The following PCDHGC4 variants were observed in gnomAD, a reference collection of about 807,000 sequenced individuals.
PCDHGC4 encodes protocadherin gamma subfamily C, 4.
PCDHGC4 carries 15 observed loss-of-function variants against 59.7 expected under a neutral mutation model. The observed-to-expected ratio is 0.25, with a 90% CI of 0.17 to 0.39. The LOEUF (loss-of-function observed/expected upper bound fraction) is 0.39, where lower values mean the gene tolerates loss of function less well. PCDHGC4 is among the 10% of genes least tolerant of loss of function. The pLI is 1.00. For missense variants in PCDHGC4, 1,016 were observed against 1,189.5 expected (o/e 0.85, Z 2.15); for synonymous variants, 434 against 481.4 (o/e 0.90, Z 1.29).
chr5:141,491,493 G>A lies in PCDHGC4; in HGVS notation c.2443-3314G>A, dbSNP rs1008591563. On this transcript the variant is annotated intron_variant, in intron 1 of 3. Transcript: ENST00000306593. This position sits in a 1 kb window ranked among gnomAD's most constrained non-coding sequence, Gnocchi z 6.9. ...AGCAGTCCAGCCCCAACCTGCAGGT[G>A]AGCTCGGACGGCACGCTCAAGTACA... 6.2e-7 allele frequency: 1 copy of A among 1,614,000 alleles called. No homozygotes were observed. Among genetic ancestry groups the A allele is most frequent in the African/African-American group, 1.3e-5 (1 of 74,928 alleles).
Position 141,485,856 on chromosome 5 carries a change from T to C in PCDHGC4, c.683T>C (p.Leu228Pro). ...CCGCCGAGATCTGGCACCGCAGAGC[T>C]CCGGGTATCCGTGCTGGACGTAAAC... is the stretch of plus-strand genomic sequence containing the variant. Reference protein sequence around the residue: ...GNPPRSGTAELRVSVLDVNDN... With the variant: ...GNPPRSGTAEPRVSVLDVNDN... The change falls in exon 1 of 4, where the codon CTC (leucine) becomes CCC (proline). Residue 228 changes from leucine to proline, a missense_variant. Physicochemically the swap from Leu to Pro is moderately conservative, Grantham distance 98. Coordinates refer to ENST00000306593, the MANE Select transcript of PCDHGC4 (RefSeq NM_018928.3). The surrounding 1 kb of genome is among the most constrained non-coding windows in gnomAD (Gnocchi z 5.7). 1 of 1,614,108 alleles carries C rather than the reference T, an allele frequency of 6.2e-7. No individual in the cohort carries two copies. The highest frequency in any genetic ancestry group is 8.5e-7 in the Non-Finnish European group (1 of 1,180,014).
intron 2 of PCDHGC4, among the ~76,000 whole-genome samples, chr5:141,495,645 C>T (rs2099762719): frequency 6.6e-6 from 1 of 152,208 alleles, no homozygotes; most frequent in South Asian, 2.1e-4. Context: ...CATTTGTCTA[C>T]TTGCATTGAT....
At chr5:141,498,073 T>C (rs1474889879) in intron 2 of PCDHGC4, among the ~76,000 whole-genome samples, 1 of 152,214 alleles carries the variant, frequency 6.6e-6, no homozygotes, top group Non-Finnish European at 1.5e-5. Context: ...CTGTCATAAG[T>C]GCTAGGTAGA....
rs1222348421 is a variant in PCDHGC4, at chr5:141,511,044, C to T, written c.2688C>T (p.Asp896=). 1 of 1,614,128 alleles carries T rather than the reference C, an allele frequency of 6.2e-7. No homozygotes were observed. The highest frequency in any genetic ancestry group is 1.3e-5 in the African/African-American group (1 of 74,940). ...GPQFTLQHVP[D]YRQNVYIPGS... is the part of the protein sequence containing the mutation. ...AGTTCACCCTGCAGCACGTGCCCGA[C>T]TACCGCCAGAATGTCTACATCCCAG... The change falls in exon 4 of 4, where the codon GAC becomes GAT. Residue 896 remains aspartate, a synonymous_variant. Coordinates refer to ENST00000306593, the MANE Select transcript of PCDHGC4 (RefSeq NM_018928.3).
chr5:141,505,486 G>A lies in PCDHGC4; in HGVS notation c.2590+5G>A, dbSNP rs1291166546. The A allele has an allele frequency of 1.8e-5, 29 of 1,614,088 alleles. No homozygotes were observed. The highest frequency in any genetic ancestry group is 2.1e-5 in the Non-Finnish European group (25 of 1,180,018). On this transcript the variant is annotated splice_donor_5th_base_variant and intron_variant, in intron 3 of 3. Transcript: ENST00000306593. ...TGATCTTGGCGTCCGCCAGTGGTAA[G>A]TGGTGTCAGTGTGTGTATGGAAGAG...
At position 141,486,002 on chromosome 5, in the gene PCDHGC4, G is replaced by A. The variant is rs372373315; in HGVS notation, c.829G>A (p.Val277Ile). ...SDPDLGPSGN[V>I]TFYFSGHTPD... ...CCCGGACCTGGGTCCCAGTGGTAAC[G>A]TCACCTTTTATTTCAGTGGTCATAC... Residue 277 changes from valine (V) to isoleucine (I), a missense_variant, in exon 1 of 4, where the codon GTC becomes ATC. Val to Ile is a conservative substitution (Grantham distance 29). Coordinates refer to ENST00000306593, the MANE Select transcript of PCDHGC4 (RefSeq NM_018928.3). The surrounding 1 kb of genome is among the most constrained non-coding windows in gnomAD (Gnocchi z 5.0). 2.0e-5 allele frequency: 33 copies of A among 1,614,030 alleles called. No homozygotes were observed. The highest frequency in any genetic ancestry group is 2.8e-5 in the Non-Finnish European group (33 of 1,180,014).
At position 141,485,541 on chromosome 5, in the gene PCDHGC4, T is replaced by A; in HGVS notation, c.368T>A (p.Ile123Asn). 2 of 1,613,902 alleles carry A rather than the reference T, an allele frequency of 1.2e-6. No homozygotes were observed. Among genetic ancestry groups the A allele is most frequent in the Non-Finnish European group, 1.7e-6 (2 of 1,179,958 alleles). ...GAAATGTACCGAGCAGAGGTAGAGATCGTAGATGTGAATGATCACGCCCCC... is the reference window on the plus strand; with the variant it reads ...GAAATGTACCGAGCAGAGGTAGAGAACGTAGATGTGAATGATCACGCCCCC... ...PLEMYRAEVE[I>N]VDVNDHAPRF... Residue 123 changes from isoleucine (I) to asparagine (N), a missense_variant, in exon 1 of 4, where the codon ATC (isoleucine) becomes AAC (asparagine). Physicochemically the swap from Ile to Asn is moderately radical, Grantham distance 149 (BLOSUM62 -3). Coordinates refer to ENST00000306593, the MANE Select transcript of PCDHGC4 (RefSeq NM_018928.3). The surrounding 1 kb of genome is among the most constrained non-coding windows in gnomAD (Gnocchi z 5.7).
intron 2 of PCDHGC4, among the ~76,000 whole-genome samples, chr5:141,503,518 G>A (rs576791899): frequency 6.7e-6 from 1 of 149,524 alleles, no homozygotes; most frequent in East Asian, 2.0e-4. Flanking sequence ...AGAATCACTT[G>A]AACCTGGGAG....
chr5:141,491,379 A>G lies in PCDHGC4; in HGVS notation c.2443-3428A>G, dbSNP rs140150079. 423 of 1,613,968 alleles carry G rather than the reference A, an allele frequency of 2.6e-4. No homozygotes were observed. Among genetic ancestry groups the G allele is most frequent in the Non-Finnish European group, 3.0e-4 (359 of 1,179,986 alleles). On this transcript the variant is annotated intron_variant, in intron 1 of 3. Transcript: ENST00000306593. The surrounding 1 kb of genome is among the most constrained non-coding windows in gnomAD (Gnocchi z 6.9). ...CCCTAGTCACCTTCACCTTTCTGTC[A>G]GCGAAGTGCCTTCAGGGAAACGCAG...
rs1293684074 is a variant in PCDHGC4 at position 141,512,899 on chromosome 5, C to T, written c.*1726C>T. On this transcript the variant is annotated 3_prime_UTR_variant, in exon 4 of 4. Transcript: ENST00000306593. ...CCCACCCCACCCTCTTCCTGTGTCT[C>T]ACGCAAGTTTTATACTCTAATATTT... 1 of 152,260 alleles carries T rather than the reference C, an allele frequency of 6.6e-6. No homozygotes were observed. Among genetic ancestry groups the T allele is most frequent in the Non-Finnish European group, 1.5e-5 (1 of 68,064 alleles). 9.4% of individuals were successfully genotyped at this position (152,260 alleles called of 1,614,324 possible). A position where few individuals can be genotyped will look rare whatever the true frequency, so the allele number is the denominator to read the frequency against.
Position 141,487,856 on chromosome 5 carries a change from T to C in PCDHGC4, c.2442+241T>C. The C allele has an allele frequency of 2.0e-6, 2 of 977,364 alleles. No homozygotes were observed. The highest frequency in any genetic ancestry group is 3.0e-6 in the Non-Finnish European group (2 of 671,858). 60.5% of individuals were successfully genotyped at this position (977,364 alleles called of 1,614,324 possible). A position where few individuals can be genotyped will look rare whatever the true frequency, so the allele number is the denominator to read the frequency against. Reference sequence around the variant, plus strand: ...ATATCTGAGTAAGAAATGAAAGTAATTGGTGATCAAGAGCCAGGCTGTTGT... The same window carrying C: ...ATATCTGAGTAAGAAATGAAAGTAACTGGTGATCAAGAGCCAGGCTGTTGT... On this transcript the variant is annotated intron_variant, in intron 1 of 3. Transcript: ENST00000306593. The surrounding 1 kb of genome is among the most constrained non-coding windows in gnomAD (Gnocchi z 5.0).
intron 2 of PCDHGC4, among the ~76,000 whole-genome samples, chr5:141,496,189 G>A (rs1362938002): frequency 1.3e-5 from 2 of 152,004 alleles, no homozygotes; most frequent in Admixed American, 6.6e-5. Flanking sequence ...AGCCCCAGCT[G>A]CTCATTTCAA....
In PCDHGC4 at chr5:141,489,184, G is replaced by T; in HGVS notation, c.2442+1569G>T. ...TCAGCTGCTGCATTCCAAGCCCTGG[G>T]TCTACCTTGGAGACAGGACAGCACA... On this transcript the variant is annotated intron_variant, in intron 1 of 3. Transcript: ENST00000306593. This position sits in a 1 kb window ranked among gnomAD's most constrained non-coding sequence, Gnocchi z 4.5. 7.8e-7 allele frequency: 1 copy of T among 1,287,330 alleles called. No homozygotes were observed. Among genetic ancestry groups the T allele is most frequent in the Non-Finnish European group, 1.1e-6 (1 of 928,816 alleles). 79.7% of individuals were successfully genotyped at this position (1,287,330 alleles called of 1,614,324 possible).
At position 141,485,240 on chromosome 5, in the gene PCDHGC4, C is replaced by G; in HGVS notation, c.67C>G (p.His23Asp). Residue 23 changes from histidine (H) to aspartate (D), a missense_variant, in exon 1 of 4, where the codon CAC (histidine) becomes GAC (aspartate). Coordinates refer to ENST00000306593, the MANE Select transcript of PCDHGC4 (RefSeq NM_018928.3). This position sits in a 1 kb window ranked among gnomAD's most constrained non-coding sequence, Gnocchi z 5.7. The stretch of plus-strand genomic sequence containing the variant: ...GGCTACCCTTTTGTTCCTCTTTTAC[C>G]ACCTGGGTTACGTTTGTGGGCAGAT... Reference protein sequence around the residue: ...RWATLLFLFYHLGYVCGQIRY... With the variant: ...RWATLLFLFYDLGYVCGQIRY... The G allele has an allele frequency of 6.2e-7, 1 of 1,614,174 alleles. No individual in the cohort carries two copies. The highest frequency in any genetic ancestry group is 8.5e-7 in the Non-Finnish European group (1 of 1,180,024).
chr5:141,490,941 A>G lies in PCDHGC4; in HGVS notation c.2442+3326A>G. The G allele has an allele frequency of 6.2e-7, 1 of 1,613,628 alleles. No homozygotes were observed. The highest frequency in any genetic ancestry group is 8.5e-7 in the Non-Finnish European group (1 of 1,179,772). On this transcript the variant is annotated intron_variant, in intron 1 of 3. Coordinates refer to ENST00000306593, the MANE Select transcript of PCDHGC4 (RefSeq NM_018928.3). The surrounding 1 kb of genome is among the most constrained non-coding windows in gnomAD (Gnocchi z 5.4). ...ATAATGCCCCAGCTGTGCTGCACCC[A>G]CGGCCAGACTGGGAACACTCAGCCC... is the stretch of plus-strand genomic sequence containing the variant.
At chr5:141,500,026 T>G (rs1297397353) in intron 2 of PCDHGC4, among the ~76,000 whole-genome samples, 1 of 151,974 alleles carries the variant, frequency 6.6e-6, no homozygotes, top group Non-Finnish European at 1.5e-5. Flanking sequence ...TATATTTGAG[T>G]GAGTGTCTCT....
In PCDHGC4 at chr5:141,489,950, A is replaced by G; in HGVS notation, c.2442+2335A>G. 2 of 1,614,192 alleles carry G rather than the reference A, an allele frequency of 1.2e-6. No individual in the cohort carries two copies. The highest frequency in any genetic ancestry group is 1.1e-5 in the South Asian group (1 of 91,088). ...TCTGTCATCGTGCTGGACATCAATG[A>G]TAATGCTCCAACCTTCCAATCCTCA... On this transcript the variant is annotated intron_variant, in intron 1 of 3. Transcript: ENST00000306593. The surrounding 1 kb of genome is among the most constrained non-coding windows in gnomAD (Gnocchi z 4.5).
intron 3 of PCDHGC4, among the ~76,000 whole-genome samples, chr5:141,509,539 A>G (rs749824780): frequency 1.3e-5 from 2 of 152,160 alleles, no homozygotes; most frequent in East Asian, 1.9e-4. Context: ...ATGAAGCACC[A>G]TCTCATTTAG....
In PCDHGC4 at chr5:141,491,958, A is replaced by C; in HGVS notation, c.2443-2849A>C. The C allele has an allele frequency of 2.0e-6, 2 of 999,758 alleles. No homozygotes were observed. Among genetic ancestry groups the C allele is most frequent in the Non-Finnish European group, 2.8e-6 (2 of 718,534 alleles). The allele number at this position is 999,758 out of a possible 1,614,324, so 61.9% of individuals were successfully genotyped here. The stretch of plus-strand genomic sequence containing the variant: ...ACCGACCCCCACCCCTACACTCAAA[A>C]AAGGCCGGGGCCTCCTTCGAGCTTC... On this transcript the variant is annotated intron_variant, in intron 1 of 3. Coordinates refer to ENST00000306593, the MANE Select transcript of PCDHGC4 (RefSeq NM_018928.3). The surrounding 1 kb of genome is among the most constrained non-coding windows in gnomAD (Gnocchi z 6.9).
Sources: gnomAD v4.1 joint callset for allele counts (sites outside exome capture counted in the v4.1 genomes callset) on GRCh38, gnomAD v4.1.1 for gene constraint, Gnocchi (gnomAD v3.1) non-coding constraint, MANE v1.5 for transcripts, NCBI Gene and HGNC (gene_info 2026-07-23, HGNC 2026-07-21) for gene names.